Variants in KCNQ1 observed in about 807,000 individuals in gnomAD.
KCNQ1 encodes the protein potassium voltage-gated channel subfamily Q member 1.
A neutral mutation model predicts 72.4 loss-of-function variants in KCNQ1; 49 were observed. The observed-to-expected ratio is 0.68, with a 90% CI of 0.54 to 0.86. The LOEUF is 0.86. Ranked by LOEUF, KCNQ1 falls within the 40% of genes least tolerant of loss-of-function variation. The pLI, the probability that KCNQ1 is intolerant of heterozygous loss-of-function variation, is 0.00. For synonymous variants in KCNQ1, 450 were observed against 412.6 expected, an observed-to-expected ratio of 1.09 and a Z score of -1.10; for missense variants, 790 against 945.1, an observed-to-expected ratio of 0.84 and a Z score of 2.15.
rs1848828696 is a variant in KCNQ1, at chr11:2,602,994, A to G, written c.1393+14140A>G. On this transcript the variant is annotated intron_variant, in intron 10 of 15. Coordinates refer to ENST00000155840, the MANE Select transcript of KCNQ1 (RefSeq NM_000218.3). The surrounding 1 kb of genome is among the most constrained non-coding windows in gnomAD (Gnocchi z 4.8). ...AAGAAGTCTTTGGCCCTGGACCCCAAATATCTTCTGCTATAGCTTTTTTCT... is the reference window on the plus strand; with the variant it reads ...AAGAAGTCTTTGGCCCTGGACCCCAGATATCTTCTGCTATAGCTTTTTTCT... Among the ~76,000 whole-genome samples, 1 of 152,202 alleles carries G rather than the reference A, an allele frequency of 6.6e-6. No individual in the cohort carries two copies. Among genetic ancestry groups the G allele is most frequent in the South Asian group, 2.1e-4 (1 of 4,828 alleles).
At position 2,458,268 on chromosome 11, in the gene KCNQ1, C is replaced by T. The variant is rs1846224441; in HGVS notation, c.386+12784C>T. On this transcript the variant is annotated intron_variant, in intron 1 of 15. Transcript: ENST00000155840. This position sits in a 1 kb window ranked among gnomAD's most constrained non-coding sequence, Gnocchi z 4.6. The stretch of plus-strand genomic sequence containing the variant: ...ATGGGGTTCAGATCCCAAGTTCATC[C>T]TGATACTGAGGGGCAAAACCAGTGG... Among the ~76,000 whole-genome samples the T allele has an allele frequency of 6.6e-6, 1 of 152,146 alleles. No homozygotes were observed. The highest frequency in any genetic ancestry group is 1.5e-5 in the Non-Finnish European group (1 of 68,034).
Position 2,471,332 on chromosome 11 carries a change from C to T in KCNQ1, c.386+25848C>T, listed in dbSNP as rs1294641223. ...AATGCTGCTTGCTTCTCCCGCCCTC[C>T]TCCCTCTCCCCATCTGCTCTTGGCT... On this transcript the variant is annotated intron_variant, in intron 1 of 15. Transcript: ENST00000155840. This position sits in a 1 kb window ranked among gnomAD's most constrained non-coding sequence, Gnocchi z 4.8. Among the ~76,000 whole-genome samples the T allele has an allele frequency of 6.6e-6, 1 of 152,198 alleles. No individual in the cohort carries two copies. Among genetic ancestry groups the T allele is most frequent in the Non-Finnish European group, 1.5e-5 (1 of 68,034 alleles).
chr11:2,459,048 T>G (rs776148376), intron 1 of KCNQ1, among the ~76,000 whole-genome samples: 11 of 150,560 alleles, frequency 7.3e-5, no homozygotes, highest in Non-Finnish European at 1.3e-4. Context: ...TTTGGGGTTG[T>G]TGGGATGCTT....
At position 2,627,592 on chromosome 11, in the gene KCNQ1, C is replaced by T. The variant is rs1849282063; in HGVS notation, c.1394-34369C>T. ...CTGGCTATTTCACTTAGCATAATAT[C>T]CTCCAGGTTCATCTATGTTGTCATA... On this transcript the variant is annotated intron_variant, in intron 10 of 15. Coordinates refer to ENST00000155840, the MANE Select transcript of KCNQ1 (RefSeq NM_000218.3). This position sits in a 1 kb window ranked among gnomAD's most constrained non-coding sequence, Gnocchi z 4.9. 1 of 398,452 alleles carries T rather than the reference C, an allele frequency of 2.5e-6. No individual in the cohort carries two copies. Among genetic ancestry groups the T allele is most frequent in the African/African-American group, 2.1e-5 (1 of 48,660 alleles). 24.7% of individuals were successfully genotyped at this position (398,452 alleles called of 1,614,324 possible). A position where few individuals can be genotyped will look rare whatever the true frequency, so the allele number is the denominator to read the frequency against.
chr11:2,657,176 T>C lies in KCNQ1; in HGVS notation c.1394-4785T>C. On this transcript the variant is annotated intron_variant, in intron 10 of 15. Transcript: ENST00000155840. This position sits in a 1 kb window ranked among gnomAD's most constrained non-coding sequence, Gnocchi z 4.8. ...ACAGCAAGTTCTCCCACCTTGTTCT[T>C]CTTCAAGAATATTGCCAATTCTTGG... The C allele has an allele frequency of 2.5e-6, 1 of 398,670 alleles. No homozygotes were observed. Among genetic ancestry groups the C allele is most frequent in the Non-Finnish European group, 4.4e-6 (1 of 226,070 alleles). The allele number at this position is 398,670 out of a possible 1,614,324, so 24.7% of individuals were successfully genotyped here. A position where few individuals can be genotyped will look rare whatever the true frequency, so the allele number is the denominator to read the frequency against.
chr11:2,572,812 C>T (rs766783633), intron 5 of KCNQ1, 34 bp from the exon 6 acceptor site: 11 of 1,613,082 alleles, frequency 6.8e-6, no homozygotes, highest in Non-Finnish European at 9.3e-6. Flanking sequence ...GCCTGCGGTT[C>T]CTGGAGCCCG....
rs76735093 is a variant in KCNQ1, at chr11:2,585,312, G to A, written c.1128+5G>A. 4.3e-5 allele frequency: 69 copies of A among 1,612,428 alleles called. No individual in the cohort carries two copies. The East Asian group carries it at 1.4e-3, about 32-fold the overall frequency. The stretch of plus-strand genomic sequence containing the variant: ...GCGGCAGCCTCACTCATTCAGGTGC[G>A]GTGCCTGCAAGGCCCTGGTCACTGT... On this transcript the variant is annotated splice_donor_5th_base_variant and intron_variant, in intron 8 of 15. Coordinates refer to ENST00000155840, the MANE Select transcript of KCNQ1 (RefSeq NM_000218.3).
At chr11:2,730,271 T>G (rs1288679351) in intron 11 of KCNQ1, among the ~76,000 whole-genome samples, 6 of 152,198 alleles carry the variant, frequency 3.9e-5, no homozygotes, top group African/African-American at 1.4e-4. Context: ...AGAGGGACCA[T>G]TTTAGCTTCT....
At position 2,611,656 on chromosome 11, in the gene KCNQ1, G is replaced by A. The variant is rs894263960; in HGVS notation, c.1393+22802G>A. On this transcript the variant is annotated intron_variant, in intron 10 of 15. Transcript: ENST00000155840. The surrounding 1 kb of genome is among the most constrained non-coding windows in gnomAD (Gnocchi z 5.3). ...ATATATATTTGGATCCTGCTTTTAA[G>A]GCAGTCTGGCAATCTCTGCTCTTTA... The A allele has an allele frequency of 1.0e-5, 4 of 398,354 alleles. No individual in the cohort carries two copies. The highest frequency in any genetic ancestry group is 1.8e-5 in the Non-Finnish European group (4 of 226,042). 24.7% of individuals were successfully genotyped at this position (398,354 alleles called of 1,614,324 possible). A position where few individuals can be genotyped will look rare whatever the true frequency, so the allele number is the denominator to read the frequency against.
intron 15 of KCNQ1, among the ~76,000 whole-genome samples, chr11:2,780,928 A>G (rs963799732): frequency 6.6e-6 from 1 of 152,084 alleles, no homozygotes; most frequent in Non-Finnish European, 1.5e-5. Flanking sequence ...ACCTTGCAGG[A>G]CGTCCCCATT....
chr11:2,698,100 T>C lies in KCNQ1; in HGVS notation c.1514+36019T>C. On this transcript the variant is annotated intron_variant, in intron 11 of 15. Coordinates refer to ENST00000155840, the MANE Select transcript of KCNQ1 (RefSeq NM_000218.3). The surrounding 1 kb of genome is among the most constrained non-coding windows in gnomAD (Gnocchi z 5.1). ...TTCAAGTACTGACTGAGTAAGGCTG[T>C]GTATCAGGCTCTTGGCTGGGTACAG... 1 of 398,658 alleles carries C rather than the reference T, an allele frequency of 2.5e-6. No homozygotes were observed. The highest frequency in any genetic ancestry group is 4.4e-6 in the Non-Finnish European group (1 of 226,070). 24.7% of individuals were successfully genotyped at this position (398,658 alleles called of 1,614,324 possible). A position where few individuals can be genotyped will look rare whatever the true frequency, so the allele number is the denominator to read the frequency against.
At chr11:2,557,224 A>G (rs561992857) in intron 2 of KCNQ1, among the ~76,000 whole-genome samples, 16 of 152,364 alleles carry the variant, frequency 1.1e-4, no homozygotes, top group Non-Finnish European at 2.2e-4. Context: ...GACAAGTGTG[A>G]ATGAGATCAG....
Position 2,642,359 on chromosome 11 carries a change from G to A in KCNQ1, c.1394-19602G>A. ...GGTTAAACTCATTCCTAGATTTTTT[G>A]TAGTGGTTGTAAAAGATAATGCCTT... is the stretch of plus-strand genomic sequence containing the variant. On this transcript the variant is annotated intron_variant, in intron 10 of 15. Coordinates refer to ENST00000155840, the MANE Select transcript of KCNQ1 (RefSeq NM_000218.3). This position sits in a 1 kb window ranked among gnomAD's most constrained non-coding sequence, Gnocchi z 4.3. The A allele has an allele frequency of 2.5e-6, 1 of 398,068 alleles. No individual in the cohort carries two copies. Among genetic ancestry groups the A allele is most frequent in the Non-Finnish European group, 4.4e-6 (1 of 225,768 alleles). The allele number at this position is 398,068 out of a possible 1,614,324, so 24.7% of individuals were successfully genotyped here.
chr11:2,484,913 T>A lies in KCNQ1; in HGVS notation c.386+39429T>A, dbSNP rs1182904802. On this transcript the variant is annotated intron_variant, in intron 1 of 15. Coordinates refer to ENST00000155840, the MANE Select transcript of KCNQ1 (RefSeq NM_000218.3). This position sits in a 1 kb window ranked among gnomAD's most constrained non-coding sequence, Gnocchi z 5.2. Reference sequence around the variant, plus strand: ...TTGTTGTAACACCTTTCTTCAATAGTGAGAAACCTGGCTCTCTCACCTTCA... The same window carrying A: ...TTGTTGTAACACCTTTCTTCAATAGAGAGAAACCTGGCTCTCTCACCTTCA... Among the ~76,000 whole-genome samples the A allele has an allele frequency of 1.3e-5, 2 of 152,192 alleles. No individual in the cohort carries two copies.
At chr11:2,819,077 G>A (rs1193506751) in intron 15 of KCNQ1, among the ~76,000 whole-genome samples, 4 of 152,336 alleles carry the variant, frequency 2.6e-5, no homozygotes, top group Non-Finnish European at 4.4e-5. Flanking sequence ...ACAGGATTAG[G>A]GAGTACCCTC....
rs147870098 is a variant in KCNQ1, at chr11:2,665,546, C to G, written c.1514+3465C>G. ...CATCTAGAATGCCCTTGTCACCCAT[C>G]TGCAGCCACCAGATTTCCATTCATC... is the stretch of plus-strand genomic sequence containing the variant. On this transcript the variant is annotated intron_variant, in intron 11 of 15. Transcript: ENST00000155840. 1,159 of 394,612 alleles carry G rather than the reference C, an allele frequency of 2.9e-3. 7 individuals are homozygous for G. Among genetic ancestry groups the G allele is most frequent in the African/African-American group, 0.021 (976 of 46,964 alleles). The allele number at this position is 394,612 out of a possible 1,614,324, so 24.4% of individuals were successfully genotyped here.
At chr11:2,589,325 G>A (rs756378683) in intron 10 of KCNQ1, among the ~76,000 whole-genome samples, 62 of 152,292 alleles carry the variant, frequency 4.1e-4, no homozygotes, top group Non-Finnish European at 8.2e-4. Flanking sequence ...CCCTTCTCAT[G>A]CAGCCCAGGG....
At chr11:2,758,712 T>C (rs1164098081) in intron 11 of KCNQ1, among the ~76,000 whole-genome samples, 1 of 152,178 alleles carries the variant, frequency 6.6e-6, no homozygotes, top group Non-Finnish European at 1.5e-5. Context: ...CCTGAAACAC[T>C]ACCCAGCAGT....
At chr11:2,692,894 T>C in intron 11 of KCNQ1, 1 of 398,524 alleles carries the variant, frequency 2.5e-6, no homozygotes, top group Non-Finnish European at 4.4e-6. Flanking sequence ...TGCAGCAAGC[T>C]GGCTAAAATC....
Sources: gnomAD v4.1 joint callset for allele counts (sites outside exome capture counted in the v4.1 genomes callset) on GRCh38, gnomAD v4.1.1 for gene constraint, Gnocchi (gnomAD v3.1) non-coding constraint, MANE v1.5 for transcripts, NCBI Gene and HGNC (gene_info 2026-07-23, HGNC 2026-07-21) for gene names.